ZNF423: variants seen among roughly 807,000 people sequenced by gnomAD.
ZNF423 encodes zinc finger protein 423, also known as Ebf-associated zinc finger protein.
In ZNF423, 12 loss-of-function variants were observed where a neutral mutation model predicts 95.8. The observed-to-expected ratio is 0.13, with a 90% CI of 0.08 to 0.20. The LOEUF (loss-of-function observed/expected upper bound fraction) is 0.20. Among genes scored for constraint, ZNF423 ranks in the 10% least tolerant of loss-of-function variants. The probability of loss-of-function intolerance (pLI) is 1.00; values close to 1 mark genes in which losing one functional copy is unlikely to be tolerated. For synonymous variants in ZNF423, 749 were observed against 711.9 expected (o/e 1.05, Z -0.83); for missense variants, 1,316 against 1,737.1 (o/e 0.76, Z 4.31).
At chr16:49,565,251 C>T (rs1420428651) in intron 5 of ZNF423, among the ~76,000 whole-genome samples, 1 of 152,246 alleles carries the variant, frequency 6.6e-6, no homozygotes, top group African/African-American at 2.4e-5. Context: ...AGCTCTCCCA[C>T]ACCTACGAAA....
In ZNF423 at chr16:49,615,136, A is replaced by ACG. The variant is rs1971835008; in HGVS notation, c.3601+11033_3601+11034insCG. 2.6e-5 allele frequency among the ~76,000 whole-genome samples: 4 copies of ACG among 151,052 alleles called. No homozygotes were observed. The South Asian group carries it at 8.5e-4, about 32-fold the overall frequency. On this transcript the variant is annotated intron_variant, in intron 5 of 7. Transcript: ENST00000563137. Reference sequence around the variant, plus strand: ...ACAAGAAAGAAACTCCATCTCACACACACACACACACACACACACACACAC... The same window carrying ACG: ...ACAAGAAAGAAACTCCATCTCACACACGCACACACACACACACACACACACAC...
chr16:49,838,770 C>A lies in ZNF423; in HGVS notation c.40+16965G>T, dbSNP rs530442247. On this transcript the variant is annotated intron_variant, in intron 1 of 7. Coordinates refer to ENST00000563137, the MANE Select transcript of ZNF423 (RefSeq NM_001379286.1). Reference sequence around the variant, plus strand: ...CCACCCGGGCCGCGTGAGCGAGCTGCGCAGCCTGCGCCTTCCCAGCCGGCC... The same window carrying A: ...CCACCCGGGCCGCGTGAGCGAGCTGAGCAGCCTGCGCCTTCCCAGCCGGCC... Among the ~76,000 whole-genome samples the A allele has an allele frequency of 6.6e-4, 100 of 151,934 alleles. 1 individual carries two copies. The highest frequency in any genetic ancestry group is 2.3e-3 in the African/African-American group (97 of 41,518).
At chr16:49,804,055 C>T (rs543049697) in intron 1 of ZNF423, among the ~76,000 whole-genome samples, 13 of 151,808 alleles carry the variant, frequency 8.6e-5, no homozygotes, top group African/African-American at 3.1e-4. Context: ...CCTGCCTCAG[C>T]CTCCCCAGTA....
chr16:49,703,068 G>A (rs777732843), intron 3 of ZNF423, among the ~76,000 whole-genome samples: 16 of 152,170 alleles, frequency 1.1e-4, no homozygotes, highest in Non-Finnish European at 1.5e-4. Context: ...ACACAGGCGC[G>A]CAGGCATGCA....
At chr16:49,630,353 C>T (rs1051847050) in intron 4 of ZNF423, among the ~76,000 whole-genome samples, 40 of 152,126 alleles carry the variant, frequency 2.6e-4, no homozygotes, top group African/African-American at 9.4e-4. Flanking sequence ...TCACATGTGC[C>T]CCCACCTACT....
intron 1 of ZNF423, among the ~76,000 whole-genome samples, chr16:49,813,939 C>T (rs1466400295): frequency 6.6e-6 from 1 of 152,204 alleles, no homozygotes; most frequent in Non-Finnish European, 1.5e-5. Context: ...CCGGGAGGCC[C>T]CAGGTGGGCT....
chr16:49,525,620 G>A, intron 5 of ZNF423, 126 bp from the exon 6 acceptor site: 2 of 1,380,608 alleles, frequency 1.4e-6, no homozygotes, highest in East Asian at 4.7e-5. Context: ...GCTGGTGAAG[G>A]GACTGCAGAC....
intron 1 of ZNF423, among the ~76,000 whole-genome samples, chr16:49,845,135 T>TTTTG (rs1041482688): frequency 1.3e-5 from 2 of 151,416 alleles, no homozygotes; most frequent in Non-Finnish European, 2.9e-5. Context: ...TTTTGGGGTT[T>TTTTG]TTTGTTTGTT....
At chr16:49,853,314 G>C (rs1396502012) in intron 1 of ZNF423, among the ~76,000 whole-genome samples, 1 of 150,902 alleles carries the variant, frequency 6.6e-6, no homozygotes, top group African/African-American at 2.4e-5. Flanking sequence ...GGGGGGAGCA[G>C]TTCTTGAAAA....
intron 1 of ZNF423, 55 bp from the exon 2 acceptor site, chr16:49,789,601 A>G: frequency 6.4e-7 from 1 of 1,572,778 alleles, no homozygotes; most frequent in Non-Finnish European, 8.7e-7. Flanking sequence ...CAAATAGATC[A>G]GGTAAGGCAC....
Position 49,530,545 on chromosome 16 carries a change from A to T in ZNF423, c.3602-5051T>A, listed in dbSNP as rs12918268. ...AGTGCCTAGAACAGGATCTGGCACC[A>T]GGAGACGCTTGACGAGCAGGAAATG... On this transcript the variant is annotated intron_variant, in intron 5 of 7. Coordinates refer to ENST00000563137, the MANE Select transcript of ZNF423 (RefSeq NM_001379286.1). 6.1e-3 allele frequency among the ~76,000 whole-genome samples: 928 copies of T among 151,642 alleles called. 9 individuals carry two copies. The highest frequency in any genetic ancestry group is 0.021 in the African/African-American group (869 of 41,088).
chr16:49,503,577 C>A (rs1046724955), intron 7 of ZNF423, among the ~76,000 whole-genome samples: 1 of 152,180 alleles, frequency 6.6e-6, no homozygotes, highest in Admixed American at 6.5e-5. Context: ...GAGCCATCCT[C>A]CTGGAGCAGG....
intron 1 of ZNF423, among the ~76,000 whole-genome samples, chr16:49,809,732 C>T (rs528857088): frequency 6.6e-6 from 1 of 152,324 alleles, no homozygotes; most frequent in African/African-American, 2.4e-5. Context: ...ATTCCTGCTC[C>T]CACTTCTGAT....
intron 5 of ZNF423, among the ~76,000 whole-genome samples, chr16:49,589,081 C>T (rs1970928351): frequency 6.6e-6 from 1 of 152,192 alleles, no homozygotes; most frequent in African/African-American, 2.4e-5. Flanking sequence ...CACAGAAAAT[C>T]AGGAGAAACA....
intron 3 of ZNF423, among the ~76,000 whole-genome samples, chr16:49,698,478 C>T (rs2032056483): frequency 6.6e-6 from 1 of 152,242 alleles, no homozygotes; most frequent in Non-Finnish European, 1.5e-5. Flanking sequence ...CCGTGTTTAA[C>T]TTTCTTTGCC....
chr16:49,642,841 G>C (rs897346790), intron 3 of ZNF423, among the ~76,000 whole-genome samples: 1 of 149,554 alleles, frequency 6.7e-6, no homozygotes. Flanking sequence ...GGCAGGAGGG[G>C]AAGGAGTCTC....
chr16:49,692,454 A>T (rs1213371657), intron 3 of ZNF423, among the ~76,000 whole-genome samples: 1 of 152,070 alleles, frequency 6.6e-6, no homozygotes, highest in Non-Finnish European at 1.5e-5. Flanking sequence ...CCCCACCCAA[A>T]CTGACGTGGG....
intron 4 of ZNF423, among the ~76,000 whole-genome samples, chr16:49,632,397 C>CT (rs893914892): frequency 2.0e-4 from 31 of 152,294 alleles, no homozygotes; most frequent in African/African-American, 7.0e-4. Context: ...ATCTGGGCCC[C>CT]TGTCCCCAGG....
At chr16:49,731,074 C>T in intron 2 of ZNF423, 103 bp from the exon 3 acceptor site, 3 of 1,333,478 alleles carry the variant, frequency 2.2e-6, no homozygotes, top group Non-Finnish European at 3.1e-6. Context: ...ATTACTCTAC[C>T]TCCCGGGGTC....
Sources: allele counts gnomAD v4.1 joint callset (sites outside exome capture counted in the v4.1 genomes callset), GRCh38; gene constraint gnomAD v4.1.1; transcripts MANE v1.5; gene names NCBI Gene and HGNC (gene_info 2026-07-23, HGNC 2026-07-21).